The following TBX19 variants were observed in gnomAD, a reference collection of about 807,000 sequenced individuals.
The protein encoded by TBX19 is T-box transcription factor 19.
In TBX19, 33 loss-of-function variants were observed where a neutral mutation model predicts 40.9. That is an observed-to-expected ratio of 0.81 (90% confidence interval 0.61 to 1.08). TBX19 has a LOEUF of 1.08. Ranked by LOEUF, TBX19 falls within the 50% of genes least tolerant of loss-of-function variation. The pLI, the probability that TBX19 is intolerant of heterozygous loss-of-function variation, is 0.00. For synonymous variants in TBX19, 220 were observed against 225.0 expected (o/e 0.98, Z 0.20); for missense variants, 494 against 574.0 (o/e 0.86, Z 1.42).
At position 168,291,037 on chromosome 1, in the gene TBX19, C is replaced by G. The variant is rs1343324453; in HGVS notation, c.204-123C>G. ...GTAGAATTGGGGTTGTGGACTTGGG[C>G]CCTGTTTATTTGGCCTCCTCACAGG... On this transcript the variant is annotated intron_variant, in intron 1 of 7. Transcript: ENST00000367821. The G allele has an allele frequency of 4.0e-6, 5 of 1,261,268 alleles. No individual in the cohort carries two copies. The African/African-American group carries it at 5.9e-5, about 15-fold the overall frequency. 78.1% of individuals were successfully genotyped at this position (1,261,268 alleles called of 1,614,324 possible). A position where few individuals can be genotyped will look rare whatever the true frequency, so the allele number is the denominator to read the frequency against.
intron 4 of TBX19, among the ~76,000 whole-genome samples, chr1:168,299,102 T>G (rs1265109557): frequency 1.3e-5 from 2 of 151,346 alleles, no homozygotes; most frequent in Non-Finnish European, 2.9e-5. Flanking sequence ...TTATTTTTAG[T>G]GGAGACAGGG....
At chr1:168,284,071 C>G (rs1195956630) in intron 1 of TBX19, among the ~76,000 whole-genome samples, 1 of 152,166 alleles carries the variant, frequency 6.6e-6, no homozygotes, top group Non-Finnish European at 1.5e-5. Context: ...ATGTTGGCCT[C>G]TCTTCTTTCG....
intron 5 of TBX19, among the ~76,000 whole-genome samples, chr1:168,303,186 C>A (rs1649319923): frequency 6.6e-6 from 1 of 152,120 alleles, no homozygotes; most frequent in South Asian, 2.1e-4. Context: ...TGCTATCCCT[C>A]CCCACTCCCA....
intron 7 of TBX19, 124 bp downstream of exon 7, chr1:168,309,001 A>C (rs1649467360): frequency 2.2e-6 from 3 of 1,367,008 alleles, no homozygotes; most frequent in Non-Finnish European, 3.1e-6. Flanking sequence ...CTTCTAAAAC[A>C]CTAAGAAGTC....
rs571220798 is a variant in TBX19, at chr1:168,311,008, C to T, written c.1053-1700C>T. ...ATTAATTTTTTTCTAAATGTGGCTA[C>T]TAGAAAATTTAAACTTACACATGTA... On this transcript the variant is annotated intron_variant, in intron 7 of 7. Transcript: ENST00000367821. Among the ~76,000 whole-genome samples, 17 of 151,038 alleles carry T rather than the reference C, an allele frequency of 1.1e-4. 1 individual carries two copies. The South Asian group carries it at 3.5e-3, about 31-fold the overall frequency.
rs1226590226 is a variant in TBX19 at position 168,291,306 on chromosome 1, C to T, written c.350C>T (p.Ser117Phe). The T allele has an allele frequency of 4.3e-6, 7 of 1,614,222 alleles. No homozygotes were observed. The highest frequency in any genetic ancestry group is 5.9e-6 in the Non-Finnish European group (7 of 1,180,046). ...EWVPAGKPEV[S>F]SHSCVYIHPD... ...GTGCCCGCTGGCAAGCCAGAGGTCT[C>T]CAGCCACAGCTGCGTCTACATTCAC... Residue 117 changes from serine to phenylalanine, a missense_variant, in exon 2 of 8, where the codon TCC becomes TTC. By Grantham distance (155) the Ser-to-Phe change is radical. This residue lies in a region of TBX19 where 201 missense variants were observed against 235.2 expected (regional missense o/e 0.85). Coordinates refer to ENST00000367821, the MANE Select transcript of TBX19 (RefSeq NM_005149.3).
Position 168,297,169 on chromosome 1 carries a change from G to A in TBX19, c.604-555G>A, listed in dbSNP as rs549197236. 7.2e-5 allele frequency among the ~76,000 whole-genome samples: 11 copies of A among 152,302 alleles called. No individual in the cohort carries two copies. The South Asian group carries it at 2.3e-3, about 32-fold the overall frequency. On this transcript the variant is annotated intron_variant, in intron 3 of 7. Coordinates refer to ENST00000367821, the MANE Select transcript of TBX19 (RefSeq NM_005149.3). ...AGGCTCAGGCTAAGGCAGATACAGAGAGTGACAGTGAATGGCAGTGATAGT... is the reference window on the plus strand; with the variant it reads ...AGGCTCAGGCTAAGGCAGATACAGAAAGTGACAGTGAATGGCAGTGATAGT...
rs139961649 is a variant in TBX19 at position 168,296,342 on chromosome 1, C to A, written c.604-1382C>A. Among the ~76,000 whole-genome samples the A allele has an allele frequency of 1.3e-3, 203 of 152,226 alleles. 1 individual carries two copies. The highest frequency in any genetic ancestry group is 4.7e-3 in the African/African-American group (197 of 41,534). On this transcript the variant is annotated intron_variant, in intron 3 of 7. Transcript: ENST00000367821. ...TTTCACGCTGCTAATAAAGACATAC[C>A]TGAGACTGGGTAATTTATAAAGAAA...
rs146281397 is a variant in TBX19, at chr1:168,284,768, CAAAAAAAAA to C, written c.203+3492_203+3500del. On this transcript the variant is annotated intron_variant, in intron 1 of 7. Coordinates refer to ENST00000367821, the MANE Select transcript of TBX19 (RefSeq NM_005149.3). ...TGGGCAACAGAGTGAGACCGTGTCT[CAAAAAAAAA>C]AAAAAAAAAAAAAAAATCAAATCTC... 2.1e-4 allele frequency among the ~76,000 whole-genome samples: 16 copies of C among 75,022 alleles called. No homozygotes were observed. The Admixed American group carries it at 2.2e-3, about 10-fold the overall frequency. 49.2% of individuals were successfully genotyped at this position (75,022 alleles called of 152,430 possible).
At position 168,281,259 on chromosome 1, in the gene TBX19, G is replaced by A. The variant is rs780760574; in HGVS notation, c.169G>A (p.Val57Ile). The A allele has an allele frequency of 1.2e-6, 2 of 1,614,048 alleles. No homozygotes were observed. The highest frequency in any genetic ancestry group is 1.7e-5 in the Admixed American group (1 of 60,000). ...DAPLWQRFKE[V>I]TNEMIVTKNG... ...ACCTCTCTGGCAGAGATTCAAGGAA[G>A]TCACTAATGAGATGATTGTGACCAA... Residue 57 changes from valine to isoleucine, a missense_variant, in exon 1 of 8, where the codon GTC becomes ATC. By Grantham distance (29) the Val-to-Ile change is conservative. Transcript: ENST00000367821.
chr1:168,289,318 G>A (rs996783638), intron 1 of TBX19, among the ~76,000 whole-genome samples: 7 of 152,168 alleles, frequency 4.6e-5, no homozygotes, highest in Non-Finnish European at 1.0e-4. Flanking sequence ...AAAGGGAATC[G>A]TTTAATCTGA....
chr1:168,313,944 G>A lies in TBX19; in HGVS notation c.*942G>A, dbSNP rs1186475854. ...AAAAAGAAAGAAAGAAAGAAAGAAAGAAATCCTACTACGAGCGATCACACC... is the reference window on the plus strand; with the variant it reads ...AAAAAGAAAGAAAGAAAGAAAGAAAAAAATCCTACTACGAGCGATCACACC... On this transcript the variant is annotated 3_prime_UTR_variant, in exon 8 of 8. Coordinates refer to ENST00000367821, the MANE Select transcript of TBX19 (RefSeq NM_005149.3). The A allele has an allele frequency of 7.2e-6, 1 of 138,008 alleles. No homozygotes were observed. Among genetic ancestry groups the A allele is most frequent in the African/African-American group, 2.7e-5 (1 of 36,452 alleles). The allele number at this position is 138,008 out of a possible 1,614,324, so 8.5% of individuals were successfully genotyped here. A position where few individuals can be genotyped will look rare whatever the true frequency, so the allele number is the denominator to read the frequency against.
chr1:168,291,288 C>T lies in TBX19; in HGVS notation c.332C>T (p.Ala111Val). 1 of 1,614,242 alleles carries T rather than the reference C, an allele frequency of 6.2e-7. No individual in the cohort carries two copies. The highest frequency in any genetic ancestry group is 8.5e-7 in the Non-Finnish European group (1 of 1,180,040). Residue 111 changes from alanine (A) to valine (V), a missense_variant, in exon 2 of 8, where the codon GCT becomes GTT. By Grantham distance (64) the Ala-to-Val change is moderately conservative. Coordinates refer to ENST00000367821, the MANE Select transcript of TBX19 (RefSeq NM_005149.3). The stretch of plus-strand genomic sequence containing the variant: ...TACGTCAACGGGGAATGGGTGCCCG[C>T]TGGCAAGCCAGAGGTCTCCAGCCAC... Reference protein sequence around the residue: ...WKYVNGEWVPAGKPEVSSHSC... With the variant: ...WKYVNGEWVPVGKPEVSSHSC...
At position 168,312,699 on chromosome 1, in the gene TBX19, T is replaced by C; in HGVS notation, c.1053-9T>C. 3 of 1,610,186 alleles carry C rather than the reference T, an allele frequency of 1.9e-6. No homozygotes were observed. Among genetic ancestry groups the C allele is most frequent in the Non-Finnish European group, 2.5e-6 (3 of 1,179,976 alleles). ...AACATTCCCTTCCCCTCTTTCTCTG[T>C]CTCTGCAGCCCCTACCCGTGCCTGT... On this transcript the variant is annotated splice_polypyrimidine_tract_variant and intron_variant, in intron 7 of 7. Coordinates refer to ENST00000367821, the MANE Select transcript of TBX19 (RefSeq NM_005149.3).
chr1:168,308,396 G>A (rs191797971), intron 6 of TBX19: 2 of 343,194 alleles, frequency 5.8e-6, no homozygotes, highest in Admixed American at 8.3e-5. Flanking sequence ...TAGCTTGAGG[G>A]GAGGCTGGTA....
At chr1:168,297,505 T>C in intron 3 of TBX19, 1 of 624,408 alleles carries the variant, frequency 1.6e-6, no homozygotes, top group South Asian at 1.8e-5. Context: ...AAATGTCCTT[T>C]GCCAGAGACA....
At chr1:168,300,604 A>G (rs1193238196) in intron 5 of TBX19, 121 bp downstream of exon 5, 3 of 926,838 alleles carry the variant, frequency 3.2e-6, no homozygotes, top group Non-Finnish European at 5.2e-6. Flanking sequence ...AACCCAACAC[A>G]CAGTTTATTC....
At chr1:168,290,979 T>C (rs539039516) in intron 1 of TBX19, among the ~76,000 whole-genome samples, 181 bp from the exon 2 acceptor site, 2 of 152,300 alleles carry the variant, frequency 1.3e-5, no homozygotes, top group South Asian at 4.1e-4. Flanking sequence ...AGTGAAACCC[T>C]AGTATTAAAT....
intron 3 of TBX19, among the ~76,000 whole-genome samples, chr1:168,295,994 G>T (rs893732056): frequency 6.6e-6 from 1 of 152,132 alleles, no homozygotes; most frequent in Non-Finnish European, 1.5e-5. Context: ...GGCCTGACTC[G>T]CTACTCCTGG....
Sources: gnomAD v4.1 joint callset for allele counts (sites outside exome capture counted in the v4.1 genomes callset) on GRCh38, gnomAD v4.1.1 for gene constraint, gnomAD v4.1.1 regional missense constraint, MANE v1.5 for transcripts, NCBI Gene and HGNC (gene_info 2026-07-23, HGNC 2026-07-21) for gene names.